Variants in TSSK6 observed in about 807,000 individuals in gnomAD.
The protein encoded by TSSK6 is testis specific serine kinase 6.
A neutral mutation model predicts 8.5 loss-of-function variants in TSSK6; 9 were observed. The observed-to-expected ratio is 1.06, with a 90% CI of 0.64 to 1.85. The LOEUF is 1.85. Among genes scored for constraint, TSSK6 ranks in the 40% most tolerant of loss-of-function variants. The pLI, the probability that TSSK6 is intolerant of heterozygous loss-of-function variation, is 0.00. For missense variants in TSSK6, 311 were observed against 391.5 expected, an observed-to-expected ratio of 0.79 and a Z score of 1.73; for synonymous variants, 202 against 182.4, an observed-to-expected ratio of 1.11 and a Z score of -0.86.
In TSSK6 at chr19:19,514,554, C is replaced by T. The variant is rs2061036091; in HGVS notation, c.*52G>A. 2 of 1,441,036 alleles carry T rather than the reference C, an allele frequency of 1.4e-6. No homozygotes were observed. Among genetic ancestry groups the T allele is most frequent in the Admixed American group, 2.6e-5 (1 of 37,850 alleles). The allele number at this position is 1,441,036 out of a possible 1,614,324, so 89.3% of individuals were successfully genotyped here. A position where few individuals can be genotyped will look rare whatever the true frequency, so the allele number is the denominator to read the frequency against. ...TCGAAGCGCGCCTCTTGCGCGTGCG[C>T]CGCCCTGGCCCAGTGCCCTTGGCTG... is the stretch of plus-strand genomic sequence containing the variant. On this transcript the variant is annotated 3_prime_UTR_variant, in exon 1 of 1. Transcript: ENST00000585580.
chr19:19,515,157 C>T lies in TSSK6; in HGVS notation c.271G>A (p.Glu91Lys). 1.9e-6 allele frequency: 3 copies of T among 1,606,696 alleles called. No homozygotes were observed. Among genetic ancestry groups the T allele is most frequent in the Non-Finnish European group, 2.5e-6 (3 of 1,179,768 alleles). ...TGCAGCAGGTCGGTGGCGGCCGCTT[C>T]CATCACGATGTACAGTTTCCCGTTG... ...VCNGKLYIVM[E>K]AAATDLLQAV... Residue 91 changes from glutamate to lysine, a missense_variant, in exon 1 of 1, where the codon GAA becomes AAA. Glu to Lys is a moderately conservative substitution (Grantham distance 56, BLOSUM62 1). Transcript: ENST00000585580.
At position 19,514,436 on chromosome 19, in the gene TSSK6, G is replaced by C; in HGVS notation, c.*170C>G. On this transcript the variant is annotated 3_prime_UTR_variant, in exon 1 of 1. Coordinates refer to ENST00000585580, the MANE Select transcript of TSSK6 (RefSeq NM_032037.4). Reference sequence around the variant, plus strand: ...CGCGGGGAACGTGGATTCCGAACAAGGGCAACTGCGGACTCCCCCGTGGGA... The same window carrying C: ...CGCGGGGAACGTGGATTCCGAACAACGGCAACTGCGGACTCCCCCGTGGGA... 1 of 678,946 alleles carries C rather than the reference G, an allele frequency of 1.5e-6. No individual in the cohort carries two copies. Among genetic ancestry groups the C allele is most frequent in the Non-Finnish European group, 2.4e-6 (1 of 415,526 alleles). 42.1% of individuals were successfully genotyped at this position (678,946 alleles called of 1,614,324 possible).
At position 19,514,367 on chromosome 19, in the gene TSSK6, T is replaced by C. The variant is rs925762417; in HGVS notation, c.*239A>G. ...CTGGTCTCGCCCTCTCGGGGCCTGG[T>C]CGCAGGGAATCGCGGATGCGCATGC... On this transcript the variant is annotated 3_prime_UTR_variant, in exon 1 of 1. Coordinates refer to ENST00000585580, the MANE Select transcript of TSSK6 (RefSeq NM_032037.4). The C allele has an allele frequency of 3.6e-6, 2 of 561,846 alleles. No individual in the cohort carries two copies. The highest frequency in any genetic ancestry group is 6.3e-6 in the Non-Finnish European group (2 of 317,428). 34.8% of individuals were successfully genotyped at this position (561,846 alleles called of 1,614,324 possible).
chr19:19,514,726 G>C lies in TSSK6; in HGVS notation c.702C>G (p.Leu234=), dbSNP rs772450200. The part of the protein sequence containing the change: ...QKRGVLYPEG[L]ELSERCKALI... The stretch of plus-strand genomic sequence containing the variant: ...GGGCCTTGCAGCGCTCGGACAGCTC[G>C]AGGCCTTCGGGATAGAGCACGCCGC... The change falls in exon 1 of 1, where the codon CTC becomes CTG. Residue 234 remains leucine (L), a synonymous_variant. Transcript: ENST00000585580. The C allele has an allele frequency of 5.0e-6, 8 of 1,602,332 alleles. No homozygotes were observed. The Admixed American group carries it at 1.2e-4, about 23-fold the overall frequency.
rs763298111 is a variant in TSSK6, at chr19:19,515,477, C to A, written c.-50G>T. ...GCAGGAGGCGGCTGCTGTCGGGGGG[C>A]GGCCGGACTCCAATCTCGGGTCTAA... On this transcript the variant is annotated 5_prime_UTR_variant, in exon 1 of 1. Coordinates refer to ENST00000585580, the MANE Select transcript of TSSK6 (RefSeq NM_032037.4). The A allele has an allele frequency of 3.3e-6, 5 of 1,520,662 alleles. No homozygotes were observed. 94.2% of individuals were successfully genotyped at this position (1,520,662 alleles called of 1,614,324 possible).
At position 19,514,543 on chromosome 19, in the gene TSSK6, T is replaced by C. The variant is rs930973961; in HGVS notation, c.*63A>G. The C allele has an allele frequency of 1.4e-6, 2 of 1,401,054 alleles. No individual in the cohort carries two copies. The highest frequency in any genetic ancestry group is 1.4e-5 in the African/African-American group (1 of 69,026). 86.8% of individuals were successfully genotyped at this position (1,401,054 alleles called of 1,614,324 possible). ...CGCATATTCCCTCGAAGCGCGCCTC[T>C]TGCGCGTGCGCCGCCCTGGCCCAGT... On this transcript the variant is annotated 3_prime_UTR_variant, in exon 1 of 1. Coordinates refer to ENST00000585580, the MANE Select transcript of TSSK6 (RefSeq NM_032037.4).
In TSSK6 at chr19:19,514,403, C is replaced by T; in HGVS notation, c.*203G>A. On this transcript the variant is annotated 3_prime_UTR_variant, in exon 1 of 1. Transcript: ENST00000585580. ...CGCGGATGCGCATGCGCCTCCAGCT[C>T]CCGGGATCGCGGGGAACGTGGATTC... is the stretch of plus-strand genomic sequence containing the variant. 1 of 604,204 alleles carries T rather than the reference C, an allele frequency of 1.7e-6. No homozygotes were observed. The highest frequency in any genetic ancestry group is 2.2e-5 in the South Asian group (1 of 45,004). 37.4% of individuals were successfully genotyped at this position (604,204 alleles called of 1,614,324 possible).
At position 19,515,164 on chromosome 19, in the gene TSSK6, G is replaced by T; in HGVS notation, c.264C>A (p.Ile88=). The T allele has an allele frequency of 6.2e-7, 1 of 1,607,238 alleles. No individual in the cohort carries two copies. Among genetic ancestry groups the T allele is most frequent in the South Asian group, 1.1e-5 (1 of 91,080 alleles). ...GGTCGGTGGCGGCCGCTTCCATCAC[G>T]ATGTACAGTTTCCCGTTGCACACCT... is the stretch of plus-strand genomic sequence containing the variant. The part of the protein sequence containing the change: ...FIEVCNGKLY[I]VMEAAATDLL... The change falls in exon 1 of 1, where the codon ATC becomes ATA. Residue 88 remains isoleucine (I), a synonymous_variant. Coordinates refer to ENST00000585580, the MANE Select transcript of TSSK6 (RefSeq NM_032037.4).
rs1452795661 is a variant in TSSK6, at chr19:19,515,218, C to T, written c.210G>A (p.Pro70=). The T allele has an allele frequency of 6.2e-7, 1 of 1,611,632 alleles. No individual in the cohort carries two copies. The highest frequency in any genetic ancestry group is 8.5e-7 in the Non-Finnish European group (1 of 1,179,968). The change falls in exon 1 of 1, where the codon CCG becomes CCA. Residue 70 remains proline (P), a synonymous_variant. Coordinates refer to ENST00000585580, the MANE Select transcript of TSSK6 (RefSeq NM_032037.4). Reference sequence around the variant, plus strand: ...TGAACTCGAAGACGTGCACGATGTGCGGGTGTCGCACGCCCCGCAGGATGG... The same window carrying T: ...TGAACTCGAAGACGTGCACGATGTGTGGGTGTCGCACGCCCCGCAGGATGG... The part of the protein sequence containing the change: ...ELSILRGVRH[P]HIVHVFEFIE...
chr19:19,514,569 G>A lies in TSSK6; in HGVS notation c.*37C>T, dbSNP rs760677619. 2.3e-5 allele frequency: 34 copies of A among 1,500,344 alleles called. No homozygotes were observed. Among genetic ancestry groups the A allele is most frequent in the African/African-American group, 5.6e-5 (4 of 71,948 alleles). The allele number at this position is 1,500,344 out of a possible 1,614,324, so 92.9% of individuals were successfully genotyped here. ...TGCGCGTGCGCCGCCCTGGCCCAGT[G>A]CCCTTGGCTGCAGGAATGGCTGGAA... On this transcript the variant is annotated 3_prime_UTR_variant, in exon 1 of 1. Transcript: ENST00000585580.
Position 19,515,448 on chromosome 19 carries a change from G to A in TSSK6, c.-21C>T. ...GACATGGTGGCGCCTAGGGCGCACG[G>A]GGGGCAGGAGGCGGCTGCTGTCGGG... On this transcript the variant is annotated 5_prime_UTR_variant, in exon 1 of 1. Transcript: ENST00000585580. 1 of 1,566,526 alleles carries A rather than the reference G, an allele frequency of 6.4e-7. No homozygotes were observed. The highest frequency in any genetic ancestry group is 8.7e-7 in the Non-Finnish European group (1 of 1,152,108).
At position 19,515,476 on chromosome 19, in the gene TSSK6, G is replaced by A. The variant is rs1273194287; in HGVS notation, c.-49C>T. On this transcript the variant is annotated 5_prime_UTR_variant, in exon 1 of 1. Transcript: ENST00000585580. ...GGCAGGAGGCGGCTGCTGTCGGGGGGCGGCCGGACTCCAATCTCGGGTCTA... is the reference window on the plus strand; with the variant it reads ...GGCAGGAGGCGGCTGCTGTCGGGGGACGGCCGGACTCCAATCTCGGGTCTA... 6.5e-7 allele frequency: 1 copy of A among 1,528,278 alleles called. No individual in the cohort carries two copies. The highest frequency in any genetic ancestry group is 8.9e-7 in the Non-Finnish European group (1 of 1,126,252). 94.7% of individuals were successfully genotyped at this position (1,528,278 alleles called of 1,614,324 possible). A position where few individuals can be genotyped will look rare whatever the true frequency, so the allele number is the denominator to read the frequency against.
At position 19,514,310 on chromosome 19, in the gene TSSK6, A is replaced by G. The variant is rs1328104283; in HGVS notation, c.*296T>C. Reference sequence around the variant, plus strand: ...GGACGCCCTCCGCGCAGAGGCTGAGAGTTCCGCGCAGGCGCAATGCTTCCG... The same window carrying G: ...GGACGCCCTCCGCGCAGAGGCTGAGGGTTCCGCGCAGGCGCAATGCTTCCG... On this transcript the variant is annotated 3_prime_UTR_variant, in exon 1 of 1. Coordinates refer to ENST00000585580, the MANE Select transcript of TSSK6 (RefSeq NM_032037.4). 4 of 432,774 alleles carry G rather than the reference A, an allele frequency of 9.2e-6. No individual in the cohort carries two copies. Among genetic ancestry groups the G allele is most frequent in the Non-Finnish European group, 1.7e-5 (4 of 241,008 alleles). The allele number at this position is 432,774 out of a possible 1,614,324, so 26.8% of individuals were successfully genotyped here. A position where few individuals can be genotyped will look rare whatever the true frequency, so the allele number is the denominator to read the frequency against.
rs776704188 is a variant in TSSK6 at position 19,514,741 on chromosome 19, G to C, written c.687C>G (p.Leu229=). The C allele has an allele frequency of 1.2e-6, 2 of 1,602,438 alleles. No individual in the cohort carries two copies. The highest frequency in any genetic ancestry group is 1.7e-6 in the Non-Finnish European group (2 of 1,179,584). Residue 229 remains leucine, a synonymous_variant, in exon 1 of 1, where the codon CTC becomes CTG. Transcript: ENST00000585580. ...GLPRRQKRGV[L]YPEGLELSER... ...CGGACAGCTCGAGGCCTTCGGGATA[G>C]AGCACGCCGCGTTTCTGGCGCCGGG...
In TSSK6 at chr19:19,515,196, A is replaced by C; in HGVS notation, c.232T>G (p.Phe78Val). The C allele has an allele frequency of 1.2e-6, 2 of 1,610,078 alleles. No homozygotes were observed. The highest frequency in any genetic ancestry group is 1.1e-5 in the South Asian group (1 of 91,084). ...RHPHIVHVFE[F>V]IEVCNGKLYI... The stretch of plus-strand genomic sequence containing the variant: ...AGTTTCCCGTTGCACACCTCGATGA[A>C]CTCGAAGACGTGCACGATGTGCGGG... Residue 78 changes from phenylalanine to valine, a missense_variant, in exon 1 of 1, where the codon TTC (phenylalanine) becomes GTC (valine). Transcript: ENST00000585580.
chr19:19,515,461 G>T lies in TSSK6; in HGVS notation c.-34C>A. ...CTAGGGCGCACGGGGGGCAGGAGGC[G>T]GCTGCTGTCGGGGGGCGGCCGGACT... is the stretch of plus-strand genomic sequence containing the variant. On this transcript the variant is annotated 5_prime_UTR_variant, in exon 1 of 1. Transcript: ENST00000585580. 1 of 1,555,824 alleles carries T rather than the reference G, an allele frequency of 6.4e-7. No individual in the cohort carries two copies. Among genetic ancestry groups the T allele is most frequent in the Non-Finnish European group, 8.7e-7 (1 of 1,145,396 alleles).
In TSSK6 at chr19:19,514,969, G is replaced by A. The variant is rs190803283; in HGVS notation, c.459C>T (p.Thr153=). 3.0e-5 allele frequency: 48 copies of A among 1,604,440 alleles called. 1 individual carries two copies. In the East Asian group the frequency reaches 9.8e-4, roughly 33 times the overall value. ...GGGCCTGGCGGCCGAAGCCGAAGTC[G>A]GTGAGCTTGACGCGGCGCTCGTCCG... ...LSPDERRVKL[T]DFGFGRQAHG... The change falls in exon 1 of 1, where the codon ACC becomes ACT. Residue 153 remains threonine, a synonymous_variant. Coordinates refer to ENST00000585580, the MANE Select transcript of TSSK6 (RefSeq NM_032037.4).
rs572721533 is a variant in TSSK6, at chr19:19,514,485, A to C, written c.*121T>G. On this transcript the variant is annotated 3_prime_UTR_variant, in exon 1 of 1. Coordinates refer to ENST00000585580, the MANE Select transcript of TSSK6 (RefSeq NM_032037.4). The stretch of plus-strand genomic sequence containing the variant: ...GAAGAAAGGGAGGGAAGCGGAAGGG[A>C]AAAAGCGCATGTGCAGCAGCACGCG... 3.3e-5 allele frequency: 32 copies of C among 981,758 alleles called. 1 individual carries two copies. The highest frequency in any genetic ancestry group is 4.6e-5 in the Non-Finnish European group (32 of 690,404). The allele number at this position is 981,758 out of a possible 1,614,324, so 60.8% of individuals were successfully genotyped here. A position where few individuals can be genotyped will look rare whatever the true frequency, so the allele number is the denominator to read the frequency against.
At position 19,515,106 on chromosome 19, in the gene TSSK6, G is replaced by A; in HGVS notation, c.322C>T (p.Pro108Ser). 1.2e-6 allele frequency: 2 copies of A among 1,604,738 alleles called. No homozygotes were observed. The highest frequency in any genetic ancestry group is 1.1e-5 in the South Asian group (1 of 90,950). ...AAGAGGTCGCGCGCCTGAACTCCGGGGATGCGCCCGTTGCGCTGCACGGCT... is the reference window on the plus strand; with the variant it reads ...AAGAGGTCGCGCGCCTGAACTCCGGAGATGCGCCCGTTGCGCTGCACGGCT... ...LQAVQRNGRI[P>S]GVQARDLFAQ... is the part of the protein sequence containing the mutation. Residue 108 changes from proline to serine, a missense_variant, in exon 1 of 1, where the codon CCC becomes TCC. Transcript: ENST00000585580.
Sources: allele counts gnomAD v4.1 joint callset, GRCh38; gene constraint gnomAD v4.1.1; transcripts MANE v1.5; gene names NCBI Gene and HGNC (gene_info 2026-07-23, HGNC 2026-07-21).